The following CCDC149 variants were observed in gnomAD, a reference collection of about 807,000 sequenced individuals.
CCDC149 encodes coiled-coil domain-containing protein 149.
In CCDC149, 45 loss-of-function variants were observed where a neutral mutation model predicts 59.9. The observed-to-expected ratio is 0.75, with a 90% CI of 0.59 to 0.96. CCDC149 has a LOEUF of 0.96. CCDC149 is among the 40% of genes least tolerant of loss of function. The pLI is 0.00. For synonymous variants in CCDC149, 245 were observed against 260.6 expected (o/e 0.94, Z 0.58); for missense variants, 584 against 664.7 (o/e 0.88, Z 1.33).
intron 3 of CCDC149, among the ~76,000 whole-genome samples, chr4:24,863,158 C>A (rs550254531): frequency 3.7e-4 from 56 of 152,006 alleles, no homozygotes; most frequent in Admixed American, 9.2e-4. Context: ...CCGGGCGTGG[C>A]GGTATGCACC....
intron 1 of CCDC149, among the ~76,000 whole-genome samples, chr4:24,976,801 T>A (rs1342697982): frequency 6.6e-6 from 1 of 152,066 alleles, no homozygotes; most frequent in Non-Finnish European, 1.5e-5. Flanking sequence ...CCCAGAAGTG[T>A]TGTCAGGTGT....
At chr4:24,836,026 C>A (rs1173781095) in intron 7 of CCDC149, among the ~76,000 whole-genome samples, 3 of 152,222 alleles carry the variant, frequency 2.0e-5, no homozygotes, top group Non-Finnish European at 4.4e-5. Flanking sequence ...GTTTCTTCAT[C>A]ACTCGGAAAC....
intron 4 of CCDC149, among the ~76,000 whole-genome samples, chr4:24,841,332 C>A (rs1258957886): frequency 6.6e-6 from 1 of 152,152 alleles, no homozygotes; most frequent in Non-Finnish European, 1.5e-5. Flanking sequence ...TAGAATTGCA[C>A]AATTATGTTT....
intron 1 of CCDC149, among the ~76,000 whole-genome samples, chr4:24,883,470 G>A (rs1719972357): frequency 6.6e-6 from 1 of 151,902 alleles, no homozygotes; most frequent in African/African-American, 2.4e-5. Flanking sequence ...AGGTGGGTGG[G>A]GGTGGGGCAG....
At chr4:24,887,178 A>T (rs1271507929) in intron 1 of CCDC149, among the ~76,000 whole-genome samples, 1 of 151,738 alleles carries the variant, frequency 6.6e-6, no homozygotes, top group African/African-American at 2.4e-5. Context: ...TCAAAAGATC[A>T]TAATAATTAA....
chr4:24,949,082 C>T (rs1723201140), intron 1 of CCDC149, among the ~76,000 whole-genome samples: 1 of 152,136 alleles, frequency 6.6e-6, no homozygotes, highest in Admixed American at 6.5e-5. Context: ...TAATAGAATC[C>T]CCTAATCCTG....
chr4:24,846,587 T>G (rs112211055), intron 4 of CCDC149, among the ~76,000 whole-genome samples: 71 of 152,296 alleles, frequency 4.7e-4, no homozygotes, highest in African/African-American at 1.6e-3. Context: ...TCTTAATTGG[T>G]TTGCTCACCA....
intron 1 of CCDC149, among the ~76,000 whole-genome samples, chr4:24,931,529 A>T (rs1722586961): frequency 6.6e-6 from 1 of 151,380 alleles, no homozygotes; most frequent in Non-Finnish European, 1.5e-5. Flanking sequence ...TTTAGCTGCA[A>T]CACCTGGGGT....
At chr4:24,950,683 G>T (rs1723258879) in intron 1 of CCDC149, among the ~76,000 whole-genome samples, 1 of 152,188 alleles carries the variant, frequency 6.6e-6, no homozygotes, top group African/African-American at 2.4e-5. Flanking sequence ...TACCCCTTAG[G>T]GTGGCAGTGG....
Position 24,912,876 on chromosome 4 carries a change from C to G in CCDC149, c.4G>C (p.Glu2Gln). The G allele has an allele frequency of 7.3e-7, 1 of 1,362,898 alleles. No individual in the cohort carries two copies. Among genetic ancestry groups the G allele is most frequent in the East Asian group, 3.8e-5 (1 of 26,218 alleles). 84.4% of individuals were successfully genotyped at this position (1,362,898 alleles called of 1,614,324 possible). Residue 2 changes from glutamate (E) to glutamine (Q), a missense_variant, in exon 1 of 13, where the codon GAG becomes CAG. By Grantham distance (29) the Glu-to-Gln change is conservative. Transcript: ENST00000635206. ...CGGTCGCCGTTCATGGCCTCCTCCTCCATGCGCTGGCCGGCCTCCTGGACC... is the reference window on the plus strand; with the variant it reads ...CGGTCGCCGTTCATGGCCTCCTCCTGCATGCGCTGGCCGGCCTCCTGGACC...
chr4:24,836,022 T>G (rs1716495676), intron 7 of CCDC149, among the ~76,000 whole-genome samples: 1 of 152,220 alleles, frequency 6.6e-6, no homozygotes, highest in Admixed American at 6.5e-5. Flanking sequence ...CTTTGTTTCT[T>G]CATCACTCGG....
chr4:24,912,965 G>T lies in CCDC149; in HGVS notation c.-86C>A. ...CGCCGCCCGGGCCCCGCGCGGCCCCGAGAGGGCCCGGCGCCTCCGAGCCGC... is the reference window on the plus strand; with the variant it reads ...CGCCGCCCGGGCCCCGCGCGGCCCCTAGAGGGCCCGGCGCCTCCGAGCCGC... On this transcript the variant is annotated 5_prime_UTR_variant, in exon 1 of 13. Transcript: ENST00000635206. The T allele has an allele frequency of 1.5e-6, 1 of 661,918 alleles. No homozygotes were observed. The highest frequency in any genetic ancestry group is 2.0e-6 in the Non-Finnish European group (1 of 509,034). 41.0% of individuals were successfully genotyped at this position (661,918 alleles called of 1,614,324 possible). A position where few individuals can be genotyped will look rare whatever the true frequency, so the allele number is the denominator to read the frequency against.
At chr4:24,945,515 T>C (rs1050393276) in intron 1 of CCDC149, among the ~76,000 whole-genome samples, 4 of 152,138 alleles carry the variant, frequency 2.6e-5, no homozygotes, top group African/African-American at 4.8e-5. Context: ...AAAGGGAGCA[T>C]GGCCCTCCTG....
At chr4:24,912,668 G>T in intron 1 of CCDC149, 149 bp downstream of exon 1, 1 of 362,870 alleles carries the variant, frequency 2.8e-6, no homozygotes, top group South Asian at 1.2e-4. Context: ...CGGCGCACCT[G>T]GCGGGGTCGC....
At chr4:24,842,096 G>A (rs955122270) in intron 4 of CCDC149, among the ~76,000 whole-genome samples, 1 of 152,120 alleles carries the variant, frequency 6.6e-6, no homozygotes, top group Non-Finnish European at 1.5e-5. Flanking sequence ...AATTTCAAAG[G>A]ACCATCAGGG....
chr4:24,896,699 A>G (rs959829067), intron 1 of CCDC149, among the ~76,000 whole-genome samples: 10 of 152,206 alleles, frequency 6.6e-5, no homozygotes, highest in African/African-American at 2.4e-4. Flanking sequence ...GAATTGACTT[A>G]CAGTAAGTTC....
At chr4:24,957,193 G>A (rs964730726) in intron 1 of CCDC149, among the ~76,000 whole-genome samples, 1 of 152,144 alleles carries the variant, frequency 6.6e-6, no homozygotes, top group Non-Finnish European at 1.5e-5. Context: ...TATAACCTGA[G>A]AACTGTTAAA....
Position 24,834,982 on chromosome 4 carries a change from G to C in CCDC149, c.786C>G (p.Ser262Arg). 1 of 1,614,018 alleles carries C rather than the reference G, an allele frequency of 6.2e-7. No individual in the cohort carries two copies. Among genetic ancestry groups the C allele is most frequent in the Non-Finnish European group, 8.5e-7 (1 of 1,179,928 alleles). The change falls in exon 8 of 13, where the codon AGC becomes AGG. Residue 262 changes from serine (S) to arginine (R), a missense_variant. Transcript: ENST00000635206. Reference sequence around the variant, plus strand: ...CAGACAGGACTCCTGTCAGAGCACTGCTGCTGGATTTACCCTGGCCCTTCG... The same window carrying C: ...CAGACAGGACTCCTGTCAGAGCACTCCTGCTGGATTTACCCTGGCCCTTCG...
chr4:24,841,722 G>A (rs1158441008), intron 4 of CCDC149, among the ~76,000 whole-genome samples: 1 of 152,248 alleles, frequency 6.6e-6, no homozygotes, highest in African/African-American at 2.4e-5. Flanking sequence ...CCCACAGTCT[G>A]TGAGCTGTGC....
Sources: allele counts gnomAD v4.1 joint callset (sites outside exome capture counted in the v4.1 genomes callset), GRCh38; gene constraint gnomAD v4.1.1; transcripts MANE v1.5; gene names NCBI Gene and HGNC (gene_info 2026-07-23, HGNC 2026-07-21).